The following ACTN1 variants were observed in gnomAD, a reference collection of about 807,000 sequenced individuals.
ACTN1 encodes actinin alpha 1.
Under a neutral mutation model 119.6 loss-of-function variants are expected in ACTN1, and 30 were observed. The ratio of observed to expected loss-of-function variants is 0.25; its 90% CI spans 0.19 to 0.34. The LOEUF (loss-of-function observed/expected upper bound fraction) is 0.34, where lower values mean the gene tolerates loss of function less well. Among genes scored for constraint, ACTN1 ranks in the 10% least tolerant of loss-of-function variants. The pLI is 1.00. For synonymous variants in ACTN1, 429 were observed against 472.6 expected, an observed-to-expected ratio of 0.91 and a Z score of 1.20; for missense variants, 764 against 1,223.4, an observed-to-expected ratio of 0.62 and a Z score of 5.60.
intron 1 of ACTN1, among the ~76,000 whole-genome samples, chr14:68,933,092 G>A (rs1268540087): frequency 6.6e-6 from 1 of 152,120 alleles, no homozygotes; most frequent in African/African-American, 2.4e-5. Flanking sequence ...ACAAGGAGGG[G>A]TCAAGTGTAG....
chr14:68,908,218 A>G (rs577141722), intron 6 of ACTN1, among the ~76,000 whole-genome samples: 2 of 152,120 alleles, frequency 1.3e-5, no homozygotes, highest in Admixed American at 1.3e-4. Context: ...GGTGCAGGGA[A>G]GCGGGTAGGC....
chr14:68,903,536 CAA>C (rs34115577), intron 7 of ACTN1, among the ~76,000 whole-genome samples: 12 of 121,126 alleles, frequency 9.9e-5, no homozygotes, highest in South Asian at 2.6e-4. Flanking sequence ...GACCCCGTCT[CAA>C]AAAAAAAAAA....
At chr14:68,963,008 A>G (rs967614920) in intron 1 of ACTN1, among the ~76,000 whole-genome samples, 1 of 152,044 alleles carries the variant, frequency 6.6e-6, no homozygotes. Context: ...CTTTCACTCC[A>G]GCTGCACCCA....
intron 2 of ACTN1, 175 bp from the exon 3 acceptor site, chr14:68,921,300 G>C (rs1035022566): frequency 2.7e-5 from 18 of 673,416 alleles, no homozygotes; most frequent in Admixed American, 2.6e-4. Context: ...CACCCTGGCA[G>C]GGAATGAGAG....
In ACTN1 at chr14:68,969,935, T is replaced by G. The variant is rs147705235; in HGVS notation, c.105+9017A>C. Among the ~76,000 whole-genome samples the G allele has an allele frequency of 2.6e-3, 403 of 152,280 alleles. 3 individuals are homozygous for G. The highest frequency in any genetic ancestry group is 9.1e-3 in the African/African-American group (379 of 41,558). On this transcript the variant is annotated intron_variant, in intron 1 of 21. Transcript: ENST00000394419. ...ACCGGCCTGAAGGAGCCCACCCACC[T>G]TGAAGTTGCCTCCCCTCCCGTCATT...
chr14:68,889,256 C>G (rs1328992356), intron 11 of ACTN1, among the ~76,000 whole-genome samples: 1 of 152,182 alleles, frequency 6.6e-6, no homozygotes, highest in Non-Finnish European at 1.5e-5. Context: ...GTTGGAGCAA[C>G]AGGGACACAC....
Position 68,970,992 on chromosome 14 carries a change from A to G in ACTN1, c.105+7960T>C, listed in dbSNP as rs1429824887. Among the ~76,000 whole-genome samples the G allele has an allele frequency of 2.0e-5, 3 of 152,356 alleles. No homozygotes were observed. The East Asian group carries it at 5.8e-4, about 29-fold the overall frequency. On this transcript the variant is annotated intron_variant, in intron 1 of 21. Transcript: ENST00000394419. ...CACCATGATTACTGAAGAGAAAGCC[A>G]CACATGGAAGCACAAATGTTAAAAA...
At position 68,878,510 on chromosome 14, in the gene ACTN1, A is replaced by G. The variant is rs776902714; in HGVS notation, c.2375T>C (p.Met792Thr). The G allele has an allele frequency of 6.2e-7, 1 of 1,600,182 alleles. No individual in the cohort carries two copies. The highest frequency in any genetic ancestry group is 8.5e-7 in the Non-Finnish European group (1 of 1,172,094). The change falls in exon 20 of 22, where the codon ATG becomes ACG. Residue 792 changes from methionine (M) to threonine (T), a missense_variant. Transcript: ENST00000394419. The surrounding 1 kb of genome is among the most constrained non-coding windows in gnomAD (Gnocchi z 4.4). ...IGNDPQKKTG[M>T]MDTDDFRACL... ...GGCGCGGAAATCATCCGTGTCCATC[A>G]TGCCTGTCTTCTTCTGTGGGGGGCA... is the stretch of plus-strand genomic sequence containing the variant.
chr14:68,887,079 G>A (rs1223355106), intron 11 of ACTN1: 2 of 170,608 alleles, frequency 1.2e-5, no homozygotes, highest in Middle Eastern at 2.7e-3. Flanking sequence ...AAAAAGCCAT[G>A]TAGTGTAATT....
At position 68,874,911 on chromosome 14, in the gene ACTN1, G is replaced by A. The variant is rs2030679484; in HGVS notation, c.2693C>T (p.Ala898Val). Reference protein sequence around the residue: ...PYTGPDSVPGALDYMSFSTAL... With the variant: ...PYTGPDSVPGVLDYMSFSTAL... ...CGTGGAGAAGGACATGTAGTCCAGA[G>A]CACCTGGCACGGAGTCGGGGCCGGT... is the stretch of plus-strand genomic sequence containing the variant. Residue 898 changes from alanine (A) to valine (V), a missense_variant, in exon 22 of 22, where the codon GCT (alanine) becomes GTT (valine). Ala to Val is a moderately conservative substitution (Grantham distance 64, BLOSUM62 0). Around this residue, in one of 4 missense-constraint regions of ACTN1, gnomAD observed 102 missense variants for 78.2 expected, o/e 1.30. Transcript: ENST00000394419. The A allele has an allele frequency of 6.2e-7, 1 of 1,610,778 alleles. No individual in the cohort carries two copies. Among genetic ancestry groups the A allele is most frequent in the South Asian group, 1.1e-5 (1 of 91,000 alleles).
At chr14:68,947,394 C>T (rs1020183976) in intron 1 of ACTN1, 2 of 152,242 alleles carry the variant, frequency 1.3e-5, no homozygotes, top group African/African-American at 2.4e-5. Context: ...GGGTGGTTTA[C>T]ATCCATCATC....
rs781067137 is a variant in ACTN1, at chr14:68,881,936, C to CT, written c.1953+521dup. On this transcript the variant is annotated intron_variant, in intron 16 of 21. Transcript: ENST00000394419. ...AGTATGGGACTTTCATAGGCAGCTT[C>CT]TTTTTTTTTTTTTTTTTTTGACAGA... is the stretch of plus-strand genomic sequence containing the variant. Among the ~76,000 whole-genome samples, 487 of 58,394 alleles carry CT rather than the reference C, an allele frequency of 8.3e-3. 28 individuals carry two copies. The highest frequency in any genetic ancestry group is 0.015 in the South Asian group (28 of 1,862). 38.3% of individuals were successfully genotyped at this position (58,394 alleles called of 152,430 possible). A position where few individuals can be genotyped will look rare whatever the true frequency, so the allele number is the denominator to read the frequency against.
intron 1 of ACTN1, among the ~76,000 whole-genome samples, chr14:68,928,088 G>A (rs1275132369): frequency 6.6e-6 from 1 of 152,170 alleles, no homozygotes; most frequent in African/African-American, 2.4e-5. Flanking sequence ...AACATCCAGG[G>A]TCCTAGCAGG....
chr14:68,910,262 C>T (rs1356106449), intron 4 of ACTN1, among the ~76,000 whole-genome samples: 4 of 152,190 alleles, frequency 2.6e-5, no homozygotes, highest in Middle Eastern at 3.2e-3. Context: ...TCGTGTTACA[C>T]GTGTAAATTT....
At chr14:68,960,394 T>C (rs1477888467) in intron 1 of ACTN1, among the ~76,000 whole-genome samples, 1 of 152,214 alleles carries the variant, frequency 6.6e-6, no homozygotes, top group African/African-American at 2.4e-5. Flanking sequence ...AGGTGATGGA[T>C]GTGTTAATTA....
intron 1 of ACTN1, chr14:68,978,324 C>A: frequency 7.5e-6 from 3 of 397,506 alleles, no homozygotes; most frequent in South Asian, 5.4e-5. Context: ...TGACCCCGCC[C>A]CCACAGGGCC....
At position 68,882,445 on chromosome 14, in the gene ACTN1, G is replaced by T. The variant is rs1213505837; in HGVS notation, c.1953+13C>A. On this transcript the variant is annotated intron_variant, in intron 16 of 21. Coordinates refer to ENST00000394419, the MANE Select transcript of ACTN1 (RefSeq NM_001130004.2). This position sits in a 1 kb window ranked among gnomAD's most constrained non-coding sequence, Gnocchi z 4.5. The stretch of plus-strand genomic sequence containing the variant: ...GTGGGAGCCCCAGCACTGCTTCCCA[G>T]CATGGGACCCACCTCCATCTTGGTC... 6.2e-7 allele frequency: 1 copy of T among 1,613,644 alleles called. No homozygotes were observed. Among genetic ancestry groups the T allele is most frequent in the South Asian group, 1.1e-5 (1 of 91,048 alleles).
At chr14:68,952,188 T>C (rs28605997) in intron 1 of ACTN1, among the ~76,000 whole-genome samples, 1,670 of 152,300 alleles carry the variant, frequency 0.011, 34 homozygotes, top group African/African-American at 0.038. Flanking sequence ...CCAGCGCTGG[T>C]AGTCTAGACA....
At chr14:68,936,108 C>T (rs2035492739) in intron 1 of ACTN1, among the ~76,000 whole-genome samples, 1 of 151,474 alleles carries the variant, frequency 6.6e-6, no homozygotes, top group Admixed American at 6.6e-5. Context: ...AGAAACTTTT[C>T]CCATCAGAAC....
Sources: gnomAD v4.1 joint callset for allele counts (sites outside exome capture counted in the v4.1 genomes callset) on GRCh38, gnomAD v4.1.1 for gene constraint, gnomAD v4.1.1 regional missense constraint, Gnocchi (gnomAD v3.1) non-coding constraint, MANE v1.5 for transcripts, NCBI Gene and HGNC (gene_info 2026-07-23, HGNC 2026-07-21) for gene names.